The following MAF variants were observed in gnomAD, a reference collection of about 807,000 sequenced individuals.
MAF encodes MAF bZIP transcription factor.
A neutral mutation model predicts 22.0 loss-of-function variants in MAF; 10 were observed. The observed-to-expected ratio is 0.45, with a 90% CI of 0.28 to 0.77. The LOEUF is 0.77. MAF is among the 30% of genes least tolerant of loss of function. MAF has a pLI of 0.12. For synonymous variants in MAF, 337 were observed against 255.8 expected, an observed-to-expected ratio of 1.32 and a Z score of -3.03; for missense variants, 544 against 548.4, an observed-to-expected ratio of 0.99 and a Z score of 0.08.
chr16:79,392,506 A>C, the MAF span, among the ~76,000 whole-genome samples: 16 of 151,866 alleles, frequency 1.1e-4, no homozygotes, highest in African/African-American at 3.9e-4. Context: ...GGAGAGAGAG[A>C]GAGAGAGAGA....
chr16:79,237,086 G>C, the MAF span, among the ~76,000 whole-genome samples: 1 of 152,032 alleles, frequency 6.6e-6, no homozygotes, highest in Non-Finnish European at 1.5e-5. Context: ...TTAAAGGCCA[G>C]TGGCCATTTC....
the MAF span, among the ~76,000 whole-genome samples, chr16:79,323,724 C>T: frequency 9.9e-5 from 15 of 152,194 alleles, no homozygotes; most frequent in Admixed American, 3.3e-4. Flanking sequence ...ACTCCCCTCA[C>T]ACCGGGCATC....
chr16:79,523,765 T>C, the MAF span, among the ~76,000 whole-genome samples: 3 of 152,208 alleles, frequency 2.0e-5, no homozygotes, highest in Admixed American at 2.0e-4. Flanking sequence ...ATATACATCC[T>C]TCAAGTGCTA....
chr16:79,319,449 G>C, the MAF span, among the ~76,000 whole-genome samples: 6 of 152,210 alleles, frequency 3.9e-5, no homozygotes, highest in Non-Finnish European at 7.3e-5. Flanking sequence ...ATATTAGCTA[G>C]TGGATTAAAT....
chr16:79,480,756 C>G, the MAF span, among the ~76,000 whole-genome samples: 1 of 152,118 alleles, frequency 6.6e-6, no homozygotes, highest in Non-Finnish European at 1.5e-5. Context: ...CAGCAAAAGA[C>G]AGACATGGAA....
At chr16:79,211,527 A>C in the MAF span, 1 of 1,575,740 alleles carries the variant, frequency 6.3e-7, no homozygotes, top group Non-Finnish European at 8.7e-7. Context: ...GAGGCCTGCT[A>C]ATGCCCAGGC....
the MAF span, among the ~76,000 whole-genome samples, chr16:79,267,013 C>A: frequency 6.6e-6 from 1 of 152,196 alleles, no homozygotes; most frequent in African/African-American, 2.4e-5. Context: ...GAATGAGTTA[C>A]CATAGTTATT....
the MAF span, among the ~76,000 whole-genome samples, chr16:79,238,581 A>G: frequency 6.6e-6 from 1 of 152,046 alleles, no homozygotes. Context: ...TGGGAATGCC[A>G]GGTGCAAGAC....
At chr16:79,520,105 T>C in the MAF span, among the ~76,000 whole-genome samples, 1 of 152,226 alleles carries the variant, frequency 6.6e-6, no homozygotes, top group Non-Finnish European at 1.5e-5. Flanking sequence ...TTCTGAGTTC[T>C]GAATATGAAT....
chr16:79,402,666 A>G, the MAF span, among the ~76,000 whole-genome samples: 2 of 152,230 alleles, frequency 1.3e-5, no homozygotes, highest in African/African-American at 4.8e-5. Flanking sequence ...GCGGTTGGAT[A>G]AAGGCCAAAG....
At chr16:79,255,251 C>T in the MAF span, among the ~76,000 whole-genome samples, 1 of 152,218 alleles carries the variant, frequency 6.6e-6, no homozygotes, top group Non-Finnish European at 1.5e-5. Context: ...GTTAGCTTTG[C>T]CTTTTCTGTG....
chr16:79,470,761 T>C, the MAF span, among the ~76,000 whole-genome samples: 1 of 152,146 alleles, frequency 6.6e-6, no homozygotes, highest in Non-Finnish European at 1.5e-5. Context: ...AGGCACTCCC[T>C]CTTGAATCTG....
the MAF span, among the ~76,000 whole-genome samples, chr16:79,568,457 T>C: frequency 1.3e-4 from 20 of 152,324 alleles, no homozygotes; most frequent in South Asian, 4.2e-4. Flanking sequence ...GTCTACCTCA[T>C]GGTAGGTGAG....
chr16:79,550,726 G>C, the MAF span, among the ~76,000 whole-genome samples: 1 of 152,132 alleles, frequency 6.6e-6, no homozygotes. Context: ...GGTATGGTAG[G>C]ATTTTGCACC....
the MAF span, among the ~76,000 whole-genome samples, chr16:79,271,210 C>G: frequency 1.3e-5 from 2 of 152,112 alleles, no homozygotes; most frequent in African/African-American, 2.4e-5. Flanking sequence ...GCCACCGCAC[C>G]CAGCCATGGC....
At chr16:79,267,072 T>C in the MAF span, among the ~76,000 whole-genome samples, 1 of 152,194 alleles carries the variant, frequency 6.6e-6, no homozygotes, top group Non-Finnish European at 1.5e-5. Context: ...TAAGTAATAA[T>C]TGCTTATGCA....
the MAF span, among the ~76,000 whole-genome samples, chr16:79,545,188 A>G: frequency 6.6e-6 from 1 of 152,214 alleles, no homozygotes; most frequent in Admixed American, 6.5e-5. Flanking sequence ...GGAGGAAAAA[A>G]AAGTGAGAAA....
the MAF span, among the ~76,000 whole-genome samples, chr16:79,533,102 T>A: frequency 1.3e-5 from 2 of 152,224 alleles, no homozygotes; most frequent in African/African-American, 2.4e-5. Flanking sequence ...TATATTTATC[T>A]ATGTCTTCAC....
the MAF span, among the ~76,000 whole-genome samples, chr16:79,549,373 C>CTGG: frequency 6.6e-6 from 1 of 152,188 alleles, no homozygotes; most frequent in Non-Finnish European, 1.5e-5. Context: ...CCACTCCAGG[C>CTGG]TGGGATAGAA....
Sources: gnomAD v4.1 joint callset for allele counts (sites outside exome capture counted in the v4.1 genomes callset) on GRCh38, gnomAD v4.1.1 for gene constraint, MANE v1.5 for transcripts, NCBI Gene and HGNC (gene_info 2026-07-23, HGNC 2026-07-21) for gene names.